The following GLIS3 variants were observed in gnomAD, a reference collection of about 807,000 sequenced individuals.
GLIS3 encodes GLIS family zinc finger 3, also known as zinc finger protein GLIS3.
In GLIS3, 53 loss-of-function variants were observed where a neutral mutation model predicts 78.6. The ratio of observed to expected loss-of-function variants is 0.67; its 90% CI spans 0.54 to 0.85. The LOEUF is 0.85. Ranked by LOEUF, GLIS3 falls within the 40% of genes least tolerant of loss-of-function variation. The probability of loss-of-function intolerance (pLI) is 0.00; values close to 1 mark genes in which losing one functional copy is unlikely to be tolerated. For missense variants in GLIS3, 1,703 were observed against 1,231.1 expected (o/e 1.38, Z -5.74); for synonymous variants, 684 against 509.9 (o/e 1.34, Z -4.60).
intron 4 of GLIS3, among the ~76,000 whole-genome samples, chr9:4,044,912 G>C (rs1249967687): frequency 6.6e-6 from 1 of 152,048 alleles, no homozygotes; most frequent in Non-Finnish European, 1.5e-5. Context: ...AATGCAGTGG[G>C]TGAGGAAAAA....
intron 2 of GLIS3, among the ~76,000 whole-genome samples, chr9:4,206,808 A>C (rs1159336445): frequency 6.6e-6 from 1 of 152,242 alleles, no homozygotes; most frequent in African/African-American, 2.4e-5. Flanking sequence ...CTGTTTATTG[A>C]AATGCGACCT....
chr9:4,312,206 G>C (rs866804015), intron 2 of GLIS3, among the ~76,000 whole-genome samples: 3 of 152,244 alleles, frequency 2.0e-5, no homozygotes, highest in Non-Finnish European at 2.9e-5. Flanking sequence ...GGTGACTCAC[G>C]CCTGTAATCC....
At chr9:3,960,575 C>T (rs1488565940) in intron 4 of GLIS3, among the ~76,000 whole-genome samples, 1 of 152,154 alleles carries the variant, frequency 6.6e-6, no homozygotes, top group African/African-American at 2.4e-5. Context: ...ATGATCCTGG[C>T]ACATAGTGGG....
intron 8 of GLIS3, among the ~76,000 whole-genome samples, chr9:3,867,715 T>TTGTGTG (rs751176686): frequency 6.2e-5 from 1 of 16,254 alleles, no homozygotes; most frequent in South Asian, 3.7e-3. Context: ...TCAACAATTC[T>TTGTGTG]TGTGTGTGTG....
Position 4,315,371 on chromosome 9 carries a change from T to C in GLIS3, n.265-4843A>G, listed in dbSNP as rs564309970. On this transcript the variant is annotated intron_variant and non_coding_transcript_variant, in intron 2 of 4. Coordinates refer to the GLIS3 transcript ENST00000471664. ...GACTCTGGGGTCCTTATTGTTAGTA[T>C]TTCAAGGCCTGCTCACTCAGTCCAT... Among the ~76,000 whole-genome samples the C allele has an allele frequency of 2.4e-3, 360 of 152,298 alleles. 4 individuals carry two copies. The highest frequency in any genetic ancestry group is 7.6e-3 in the African/African-American group (317 of 41,550).
chr9:4,159,628 G>A (rs569713001), intron 2 of GLIS3, among the ~76,000 whole-genome samples: 110 of 151,988 alleles, frequency 7.2e-4, no homozygotes, highest in African/African-American at 2.6e-3. Flanking sequence ...CTGAGGCAGG[G>A]AAATTGCTTG....
chr9:4,048,199 G>A (rs1205543802), intron 4 of GLIS3, among the ~76,000 whole-genome samples: 1 of 152,120 alleles, frequency 6.6e-6, no homozygotes, highest in East Asian at 1.9e-4. Context: ...TATTATGTAG[G>A]GCTGGCTATA....
intron 4 of GLIS3, among the ~76,000 whole-genome samples, chr9:4,059,829 T>TGTGTGTGTGAGAGAGA: frequency 0.013 from 1,318 of 100,672 alleles, 18 homozygotes; most frequent in South Asian, 0.041. Context: ...TGTGTGTGTG[T>TGTGTGTGTGAGAGAGA]GAGAGAGAGA....
At chr9:4,067,192 G>A (rs765801904) in intron 4 of GLIS3, among the ~76,000 whole-genome samples, 5 of 150,514 alleles carry the variant, frequency 3.3e-5, no homozygotes, top group East Asian at 1.9e-4. Context: ...CCTTTGACTC[G>A]TTAATACTTT....
the GLIS3 span, among the ~76,000 whole-genome samples, chr9:4,400,218 G>A: frequency 1.3e-5 from 2 of 152,316 alleles, no homozygotes; most frequent in African/African-American, 4.8e-5. Flanking sequence ...TCACTCTTCT[G>A]TGTGATGATG....
chr9:4,476,704 T>C, the GLIS3 span, among the ~76,000 whole-genome samples: 1 of 152,100 alleles, frequency 6.6e-6, no homozygotes, highest in African/African-American at 2.4e-5. Flanking sequence ...TTGTTTTTTT[T>C]TTAACTATTA....
chr9:4,034,142 T>C (rs1824115017), intron 4 of GLIS3, among the ~76,000 whole-genome samples: 1 of 151,990 alleles, frequency 6.6e-6, no homozygotes, highest in African/African-American at 2.4e-5. Context: ...TGTAAGAGGA[T>C]TGCTTGAGCC....
At chr9:4,082,695 G>A (rs1828659031) in intron 4 of GLIS3, among the ~76,000 whole-genome samples, 2 of 152,308 alleles carry the variant, frequency 1.3e-5, no homozygotes, top group Middle Eastern at 3.4e-3. Flanking sequence ...GATGAACCCT[G>A]AAATCTGATT....
intron 2 of GLIS3, among the ~76,000 whole-genome samples, chr9:4,137,432 G>C (rs887324991): frequency 1.3e-5 from 2 of 152,070 alleles, no homozygotes; most frequent in African/African-American, 4.8e-5. Context: ...GGAATCACCA[G>C]CATTACTCAC....
chr9:4,342,342 T>C (rs1817844386), intron 2 of GLIS3, among the ~76,000 whole-genome samples: 1 of 152,226 alleles, frequency 6.6e-6, no homozygotes, highest in Admixed American at 6.5e-5. Context: ...ATTTATGGCC[T>C]GGTGCTTTCA....
intron 4 of GLIS3, among the ~76,000 whole-genome samples, chr9:3,997,892 AG>A (rs1316165320): frequency 2.0e-5 from 3 of 152,132 alleles, no homozygotes; most frequent in Non-Finnish European, 4.4e-5. Flanking sequence ...TATCAGGATT[AG>A]AAAAAAAAGC....
intron 2 of GLIS3, among the ~76,000 whole-genome samples, chr9:4,183,249 G>C (rs1817490212): frequency 6.6e-6 from 1 of 152,174 alleles, no homozygotes; most frequent in African/African-American, 2.4e-5. Context: ...AGAACTTTAA[G>C]GAGAAATTCA....
At chr9:3,838,969 G>C (rs1818544294) in intron 9 of GLIS3, among the ~76,000 whole-genome samples, 1 of 152,136 alleles carries the variant, frequency 6.6e-6, no homozygotes, top group Non-Finnish European at 1.5e-5. Flanking sequence ...ATAGTCTTTG[G>C]GGTCGCATCT....
intron 6 of GLIS3, among the ~76,000 whole-genome samples, chr9:3,930,971 C>T (rs966299758): frequency 3.3e-5 from 5 of 152,140 alleles, no homozygotes; most frequent in African/African-American, 9.7e-5. Flanking sequence ...GAAGACTAAG[C>T]ACTTGCTTTC....
Sources: gnomAD v4.1 joint callset for allele counts (sites outside exome capture counted in the v4.1 genomes callset) on GRCh38, gnomAD v4.1.1 for gene constraint, MANE v1.5 for transcripts, NCBI Gene and HGNC (gene_info 2026-07-23, HGNC 2026-07-21) for gene names.